PALLD: variants seen among roughly 807,000 people sequenced by gnomAD.
PALLD encodes palladin, cytoskeletal associated protein.
A neutral mutation model predicts 123.5 loss-of-function variants in PALLD; 61 were observed. That is an observed-to-expected ratio of 0.49 (90% CI 0.40 to 0.61). The LOEUF is 0.61. PALLD is among the 20% of genes least tolerant of loss of function. The probability of loss-of-function intolerance (pLI) is 0.00; values close to 1 mark genes in which losing one functional copy is unlikely to be tolerated. For missense variants in PALLD, 1,273 were observed against 1,377.0 expected, an observed-to-expected ratio of 0.92 and a Z score of 1.20; for synonymous variants, 465 against 496.4, an observed-to-expected ratio of 0.94 and a Z score of 0.84.
intron 2 of PALLD, among the ~76,000 whole-genome samples, chr4:168,597,615 T>A (rs1427149256): frequency 6.6e-6 from 1 of 152,090 alleles, no homozygotes; most frequent in East Asian, 1.9e-4. Flanking sequence ...GTAGAGAGAA[T>A]AGAAATATAA....
At chr4:168,838,667 C>CTTTTTTTT (rs70961558) in intron 10 of PALLD, among the ~76,000 whole-genome samples, 3 of 88,780 alleles carry the variant, frequency 3.4e-5, no homozygotes, top group Non-Finnish European at 6.2e-5. Context: ...CTTCTAACTC[C>CTTTTTTTT]TTTTTTTTTT....
intron 10 of PALLD, among the ~76,000 whole-genome samples, chr4:168,745,545 G>A (rs1730173373): frequency 6.6e-6 from 1 of 152,008 alleles, no homozygotes; most frequent in African/African-American, 2.4e-5. Context: ...GTACATCAAG[G>A]TAATATAGGT....
At chr4:168,726,338 A>G (rs1472856881) in intron 10 of PALLD, among the ~76,000 whole-genome samples, 1 of 152,346 alleles carries the variant, frequency 6.6e-6, no homozygotes, top group East Asian at 1.9e-4. Flanking sequence ...GGTATCAACT[A>G]GAGAGAAACT....
intron 10 of PALLD, among the ~76,000 whole-genome samples, chr4:168,752,545 G>A (rs1170616542): frequency 6.6e-6 from 1 of 152,180 alleles, no homozygotes; most frequent in Non-Finnish European, 1.5e-5. Flanking sequence ...GTACTAAGAT[G>A]ATTCTAGATT....
chr4:168,849,032 G>T (rs759115542), intron 10 of PALLD, among the ~76,000 whole-genome samples: 1 of 152,130 alleles, frequency 6.6e-6, no homozygotes, highest in African/African-American at 2.4e-5. Flanking sequence ...TAAAAAATTC[G>T]TTAAAAAAGC....
At chr4:168,543,877 T>C (rs1019648380) in intron 2 of PALLD, among the ~76,000 whole-genome samples, 5 of 152,202 alleles carry the variant, frequency 3.3e-5, no homozygotes, top group African/African-American at 1.2e-4. Flanking sequence ...AAGAGATCCT[T>C]CTAGTTTTGC....
At chr4:168,759,472 T>A (rs10023690) in intron 10 of PALLD, among the ~76,000 whole-genome samples, 50,828 of 151,160 alleles carry the variant, frequency 0.34, 9,106 homozygotes, top group East Asian at 0.56. Flanking sequence ...AGTCACTTCC[T>A]GTTTCAAACC....
At chr4:168,904,246 G>A (rs1179500345) in intron 15 of PALLD, 5 of 271,974 alleles carry the variant, frequency 1.8e-5, no homozygotes, top group Non-Finnish European at 3.6e-5. Flanking sequence ...CTTCAGGTAG[G>A]ATTACATGAA....
At chr4:168,856,700 A>C (rs2151006910) in intron 10 of PALLD, among the ~76,000 whole-genome samples, 1 of 152,384 alleles carries the variant, frequency 6.6e-6, no homozygotes, top group African/African-American at 2.4e-5. Flanking sequence ...AGAAAAATTA[A>C]GTGATCAAAG....
At chr4:168,638,659 G>T (rs1052016515) in intron 2 of PALLD, among the ~76,000 whole-genome samples, 3 of 152,140 alleles carry the variant, frequency 2.0e-5, no homozygotes, top group African/African-American at 7.2e-5. Flanking sequence ...CCCACTTTCT[G>T]GTTCATAGAT....
intron 10 of PALLD, among the ~76,000 whole-genome samples, chr4:168,763,555 T>C (rs1160815943): frequency 6.6e-6 from 1 of 152,192 alleles, no homozygotes; most frequent in Non-Finnish European, 1.5e-5. Flanking sequence ...GAGTGTTTTT[T>C]AAGCCACACA....
At chr4:168,916,429 G>A (rs1189884884) in intron 17 of PALLD, among the ~76,000 whole-genome samples, 1 of 151,920 alleles carries the variant, frequency 6.6e-6, no homozygotes, top group Non-Finnish European at 1.5e-5. Flanking sequence ...AATGATTCTA[G>A]CTTAAGGGGG....
At chr4:168,764,060 C>T (rs992610618) in intron 10 of PALLD, among the ~76,000 whole-genome samples, 1 of 151,874 alleles carries the variant, frequency 6.6e-6, no homozygotes, top group Non-Finnish European at 1.5e-5. Flanking sequence ...CAGAGTGCCA[C>T]GGATATAAAT....
At chr4:168,749,354 C>G (rs559972071) in intron 10 of PALLD, among the ~76,000 whole-genome samples, 51 of 151,918 alleles carry the variant, frequency 3.4e-4, no homozygotes, top group African/African-American at 1.0e-3. Context: ...ACAAGAACGG[C>G]CTAACACACT....
At chr4:168,890,846 T>C in intron 10 of PALLD, 76 bp from the exon 11 acceptor site, 1 of 1,468,430 alleles carries the variant, frequency 6.8e-7, no homozygotes, top group Non-Finnish European at 9.5e-7. Context: ...TGCACTGTCT[T>C]TGTTGGACTT....
intron 10 of PALLD, among the ~76,000 whole-genome samples, chr4:168,802,663 C>T (rs1739522117): frequency 1.3e-5 from 2 of 152,066 alleles, no homozygotes; most frequent in African/African-American, 4.8e-5. Context: ...ATGACCACTT[C>T]TCCCAGCTAA....
intron 10 of PALLD, among the ~76,000 whole-genome samples, chr4:168,737,690 C>T (rs1445035436): frequency 6.6e-6 from 1 of 152,168 alleles, no homozygotes; most frequent in African/African-American, 2.4e-5. Context: ...ATATGCTTAG[C>T]CTTTCAAAGA....
chr4:168,585,015 T>C (rs531991697), intron 2 of PALLD, among the ~76,000 whole-genome samples: 1 of 152,298 alleles, frequency 6.6e-6, no homozygotes, highest in African/African-American at 2.4e-5. Context: ...TATATAATAA[T>C]AGTTATTTAT....
chr4:168,802,174 C>CAT (rs1435866581), intron 10 of PALLD, among the ~76,000 whole-genome samples: 2 of 152,178 alleles, frequency 1.3e-5, no homozygotes, highest in African/African-American at 2.4e-5. Flanking sequence ...TAGTCAATAT[C>CAT]ATGGCCTAAA....
Sources: gnomAD v4.1 joint callset for allele counts (sites outside exome capture counted in the v4.1 genomes callset) on GRCh38, gnomAD v4.1.1 for gene constraint, MANE v1.5 for transcripts, NCBI Gene and HGNC (gene_info 2026-07-23, HGNC 2026-07-21) for gene names.